The following GABRA3 variants were observed in gnomAD, a reference collection of about 807,000 sequenced individuals.
The protein encoded by GABRA3 is gamma-aminobutyric acid receptor subunit alpha-3.
GABRA3 carries 10 observed loss-of-function variants against 30.1 expected under a neutral mutation model. The ratio of observed to expected loss-of-function variants is 0.33; its 90% CI spans 0.20 to 0.56. The LOEUF is 0.56. GABRA3 is among the 20% of genes least tolerant of loss of function. GABRA3 has a pLI of 0.89. For synonymous variants in GABRA3, 151 were observed against 146.8 expected (o/e 1.03, Z -0.21); for missense variants, 233 against 392.0 (o/e 0.59, Z 3.42).
rs927168989 is a variant in GABRA3 at position 152,320,580 on chromosome X, G to A, written c.262+25001C>T. Among the ~76,000 whole-genome samples the A allele has an allele frequency of 4.5e-5, 5 of 110,961 alleles. No individual in the cohort carries two copies. The Admixed American group carries it at 4.8e-4, about 11-fold the overall frequency. ...ACTTTGAGGACTCAGGGGAAAGGGT[G>A]GAAGGGAGTGAGGAATAAAAGACTA... On this transcript the variant is annotated intron_variant, in intron 3 of 9. Coordinates refer to ENST00000370314, the MANE Select transcript of GABRA3 (RefSeq NM_000808.4).
chrX:152,235,452 T>A (rs1437511753), intron 5 of GABRA3, among the ~76,000 whole-genome samples: 1 of 111,400 alleles, frequency 9.0e-6, no homozygotes, highest in Non-Finnish European at 1.9e-5. Flanking sequence ...ATTGTCTCTG[T>A]CTGCATATCA....
intron 3 of GABRA3, among the ~76,000 whole-genome samples, chrX:152,289,301 GCTACCCTTTGGATCCACACAACA>G (rs1162752451): frequency 9.2e-6 from 1 of 108,989 alleles, no homozygotes; most frequent in Non-Finnish European, 1.9e-5. Flanking sequence ...TTATCTTAGT[GCTACCCTTTGGATCCACACAACA>G]AAGTCTGCTT....
At chrX:152,280,423 C>T (rs1038481757) in intron 4 of GABRA3, among the ~76,000 whole-genome samples, 1 of 111,434 alleles carries the variant, frequency 9.0e-6, no homozygotes, top group Non-Finnish European at 1.9e-5. Context: ...GCTACTTTTT[C>T]TAGCACTAGA....
At chrX:152,336,602 C>T (rs1940238158) in intron 3 of GABRA3, among the ~76,000 whole-genome samples, 1 of 111,558 alleles carries the variant, frequency 9.0e-6, no homozygotes, top group Admixed American at 9.6e-5. Flanking sequence ...TTAGTTCATT[C>T]AAAATTCAGT....
intron 8 of GABRA3, among the ~76,000 whole-genome samples, chrX:152,190,521 CT>C (rs373150306): frequency 9.4e-6 from 1 of 106,743 alleles, no homozygotes; most frequent in Non-Finnish European, 1.9e-5. Context: ...TTTCTTTTTT[CT>C]TTTTTTTTCT....
intron 1 of GABRA3, among the ~76,000 whole-genome samples, chrX:152,423,799 C>T (rs1370210476): frequency 9.0e-6 from 1 of 110,600 alleles, no homozygotes; most frequent in Non-Finnish European, 1.9e-5. Flanking sequence ...AGGATGTGGA[C>T]AAATAATTAC....
At chrX:152,260,385 G>T (rs1420286346) in intron 4 of GABRA3, among the ~76,000 whole-genome samples, 2 of 111,118 alleles carry the variant, frequency 1.8e-5, no homozygotes, top group African/African-American at 6.6e-5. Context: ...GGCCTTGAGT[G>T]AACATAGGCA....
At chrX:152,250,512 T>C (rs969576854) in intron 5 of GABRA3, 1 of 111,711 alleles carries the variant, frequency 9.0e-6, no homozygotes, top group African/African-American at 3.2e-5. Flanking sequence ...TTTACCCGTG[T>C]CCTCATATAC....
At chrX:152,318,345 A>C (rs757516834) in intron 3 of GABRA3, among the ~76,000 whole-genome samples, 5 of 111,303 alleles carry the variant, frequency 4.5e-5, no homozygotes, top group African/African-American at 1.6e-4. Context: ...AAACAAAAAA[A>C]CCATAAAAAC....
intron 4 of GABRA3, among the ~76,000 whole-genome samples, chrX:152,277,308 A>T (rs1334802501): frequency 9.0e-6 from 1 of 111,200 alleles, no homozygotes; most frequent in Non-Finnish European, 1.9e-5. Flanking sequence ...ATAATGGCAT[A>T]ATTTTCATAA....
intron 3 of GABRA3, among the ~76,000 whole-genome samples, chrX:152,295,455 G>C (rs1454447406): frequency 8.8e-6 from 1 of 113,014 alleles, no homozygotes; most frequent in Non-Finnish European, 1.9e-5. Flanking sequence ...ATCTCAGACT[G>C]CTGCGCTAGC....
chrX:152,270,322 C>T (rs1255616069), intron 4 of GABRA3, among the ~76,000 whole-genome samples: 4 of 111,668 alleles, frequency 3.6e-5, no homozygotes. Context: ...GCTTCCCCAT[C>T]TGCCATTACT....
intron 5 of GABRA3, among the ~76,000 whole-genome samples, chrX:152,254,811 T>TA (rs770075965): frequency 1.8e-5 from 2 of 111,864 alleles, no homozygotes; most frequent in Non-Finnish European, 3.8e-5. Context: ...TAAATAGCCA[T>TA]AGAAGCTCCA....
At chrX:152,310,747 C>T (rs965425895) in intron 3 of GABRA3, among the ~76,000 whole-genome samples, 1 of 110,259 alleles carries the variant, frequency 9.1e-6, no homozygotes, top group East Asian at 2.9e-4. Flanking sequence ...TTAAAAAAAA[C>T]ATTCAAAAGA....
intron 3 of GABRA3, among the ~76,000 whole-genome samples, chrX:152,325,818 A>G (rs5970274): frequency 0.21 from 23,530 of 110,940 alleles, 2,280 homozygotes; most frequent in African/African-American, 0.38. Context: ...GCAGCTCCTC[A>G]CCAGCAACGG....
At position 152,369,485 on chromosome X, in the gene GABRA3, C is replaced by T. The variant is rs1485499760; in HGVS notation, c.-26-4889G>A. On this transcript the variant is annotated intron_variant, in intron 1 of 9. Coordinates refer to ENST00000370314, the MANE Select transcript of GABRA3 (RefSeq NM_000808.4). ...CACTCCACTTCAGCCACTGTGGCCT[C>T]CTTCGCTGCTCATGAAATATGTCAG... is the stretch of plus-strand genomic sequence containing the variant. Among the ~76,000 whole-genome samples, 58 of 111,720 alleles carry T rather than the reference C, an allele frequency of 5.2e-4. 3 individuals are homozygous for T. Among genetic ancestry groups the T allele is most frequent in the Non-Finnish European group, 9.4e-5 (5 of 53,175 alleles).
intron 4 of GABRA3, among the ~76,000 whole-genome samples, chrX:152,258,165 A>G (rs1274520448): frequency 8.9e-6 from 1 of 112,213 alleles, no homozygotes; most frequent in Non-Finnish European, 1.9e-5. Context: ...TATGAAAAAA[A>G]CTATAATTAA....
intron 3 of GABRA3, among the ~76,000 whole-genome samples, chrX:152,287,241 TAAG>T (rs1326224283): frequency 8.9e-6 from 1 of 111,831 alleles, no homozygotes; most frequent in Non-Finnish European, 1.9e-5. Context: ...ATCCTACAGA[TAAG>T]AAGAGAGATA....
intron 3 of GABRA3, among the ~76,000 whole-genome samples, chrX:152,303,644 A>C (rs746471864): frequency 8.9e-6 from 1 of 111,916 alleles, no homozygotes; most frequent in Admixed American, 9.5e-5. Context: ...AAAATGAAAG[A>C]GTTTATGACC....
Sources: allele counts gnomAD v4.1 joint callset (sites outside exome capture counted in the v4.1 genomes callset), GRCh38; gene constraint gnomAD v4.1.1; transcripts MANE v1.5; gene names NCBI Gene and HGNC (gene_info 2026-07-23, HGNC 2026-07-21).